PRIM2: variants seen among roughly 807,000 people sequenced by gnomAD.
The protein encoded by PRIM2 is DNA primase large subunit.
In PRIM2, 39 loss-of-function variants were observed where a neutral mutation model predicts 67.3. The ratio of observed to expected loss-of-function variants is 0.58; its 90% CI spans 0.45 to 0.76. The LOEUF is 0.76. PRIM2 is among the 30% of genes least tolerant of loss of function. PRIM2 has a pLI of 0.00. For missense variants in PRIM2, 398 were observed against 598.7 expected (o/e 0.66, Z 3.50); for synonymous variants, 143 against 198.7 (o/e 0.72, Z 2.36).
At chr6:57,276,780 T>G in the PRIM2 span, among the ~76,000 whole-genome samples, 1 of 151,814 alleles carries the variant, frequency 6.6e-6, no homozygotes, top group Non-Finnish European at 1.5e-5. Context: ...ATGCATGTAT[T>G]TGGGGGGCTC....
At chr6:57,362,783 G>A (rs1769243169) in intron 5 of PRIM2, among the ~76,000 whole-genome samples, 1 of 152,042 alleles carries the variant, frequency 6.6e-6, no homozygotes, top group Admixed American at 6.6e-5. Context: ...ATAACATAAA[G>A]GAGATGTCAT....
the PRIM2 span, among the ~76,000 whole-genome samples, chr6:57,256,686 C>G: frequency 6.8e-6 from 1 of 148,080 alleles, no homozygotes; most frequent in Non-Finnish European, 1.5e-5. Context: ...CACACACACA[C>G]AGTTTTTCCT....
intron 9 of PRIM2, among the ~76,000 whole-genome samples, chr6:57,533,606 C>G (rs1327796844): frequency 6.2e-4 from 94 of 152,324 alleles, no homozygotes; most frequent in African/African-American, 2.2e-3. Flanking sequence ...TTATCTCTAA[C>G]AGTCCACTTT....
At chr6:57,487,519 G>T (rs1156560981) in intron 7 of PRIM2, among the ~76,000 whole-genome samples, 11 of 152,206 alleles carry the variant, frequency 7.2e-5, no homozygotes, top group Admixed American at 7.2e-4. Context: ...ATGCGCCACT[G>T]CCCCTGGCCT....
chr6:57,541,205 G>A (rs1359524993), intron 10 of PRIM2, among the ~76,000 whole-genome samples: 1 of 152,112 alleles, frequency 6.6e-6, no homozygotes, highest in Non-Finnish European at 1.5e-5. Context: ...TTACGGTATC[G>A]ATCAATGTAG....
chr6:57,587,932 A>G (rs1228210452), intron 10 of PRIM2, among the ~76,000 whole-genome samples: 1 of 152,180 alleles, frequency 6.6e-6, no homozygotes, highest in Non-Finnish European at 1.5e-5. Context: ...AGCAATCGCT[A>G]GTCCTTGTGG....
chr6:57,350,855 A>G (rs943991776), intron 5 of PRIM2, among the ~76,000 whole-genome samples: 2 of 152,082 alleles, frequency 1.3e-5, no homozygotes, highest in African/African-American at 2.4e-5. Context: ...TAATGATACC[A>G]TCTCCTTTTT....
the PRIM2 span, among the ~76,000 whole-genome samples, chr6:57,280,447 AGACAAT>A: frequency 1.3e-5 from 2 of 152,166 alleles, no homozygotes; most frequent in Non-Finnish European, 2.9e-5. Flanking sequence ...AGAGTTAGAA[AGACAAT>A]GCAGACAGTT....
chr6:57,330,358 TTTGTTTTTGTTTTTTTG>T (rs1768012968), intron 5 of PRIM2, among the ~76,000 whole-genome samples: 1 of 121,830 alleles, frequency 8.2e-6, no homozygotes, highest in African/African-American at 3.5e-5. Context: ...GTTTTTTTTT[TTTGTTTTTGTTTTTTTG>T]TTTTTTTGTT....
chr6:57,458,789 C>CA (rs1424297669), intron 7 of PRIM2, among the ~76,000 whole-genome samples: 3 of 152,176 alleles, frequency 2.0e-5, no homozygotes, highest in Admixed American at 2.0e-4. Context: ...GCATTCACTT[C>CA]ATTTTTGTTT....
At chr6:57,624,903 T>C (rs1776921129) in intron 12 of PRIM2, among the ~76,000 whole-genome samples, 1 of 152,106 alleles carries the variant, frequency 6.6e-6, no homozygotes, top group Admixed American at 6.5e-5. Context: ...GGCCTCACAA[T>C]CATGGTGGAA....
intron 7 of PRIM2, among the ~76,000 whole-genome samples, chr6:57,416,070 G>A (rs76439859): frequency 6.6e-6 from 1 of 152,134 alleles, no homozygotes; most frequent in East Asian, 1.9e-4. Flanking sequence ...CGTTTCAGAA[G>A]GTTTTCCACT....
intron 7 of PRIM2, among the ~76,000 whole-genome samples, chr6:57,399,803 A>AT (rs1770644765): frequency 1.3e-5 from 2 of 151,958 alleles, no homozygotes; most frequent in South Asian, 4.2e-4. Flanking sequence ...GATGATGAGC[A>AT]TTTTTTCATG....
the PRIM2 span, among the ~76,000 whole-genome samples, chr6:57,307,303 G>A: frequency 6.6e-6 from 1 of 151,186 alleles, no homozygotes; most frequent in Non-Finnish European, 1.5e-5. Context: ...GCCCAGGCTG[G>A]AGTGCAGTGG....
intron 5 of PRIM2, among the ~76,000 whole-genome samples, chr6:57,340,394 G>A (rs1306533620): frequency 1.3e-5 from 2 of 152,096 alleles, no homozygotes; most frequent in African/African-American, 4.8e-5. Context: ...CTGCTATAAA[G>A]ACACATGCAC....
intron 10 of PRIM2, among the ~76,000 whole-genome samples, chr6:57,540,095 T>C (rs1175571090): frequency 6.6e-6 from 1 of 152,212 alleles, no homozygotes; most frequent in Admixed American, 6.5e-5. Flanking sequence ...CTTCAAGCGA[T>C]GTGAGAATTT....
chr6:57,644,868 G>A (rs1777308165), intron 13 of PRIM2, among the ~76,000 whole-genome samples: 1 of 152,100 alleles, frequency 6.6e-6, no homozygotes, highest in Non-Finnish European at 1.5e-5. Flanking sequence ...TTGAGACTGT[G>A]GAAAGTGAAA....
chr6:57,543,166 C>G (rs1201019793), intron 10 of PRIM2, among the ~76,000 whole-genome samples: 1 of 151,088 alleles, frequency 6.6e-6, no homozygotes, highest in Non-Finnish European at 1.5e-5. Flanking sequence ...GTCTCGATCT[C>G]CTGACCTCGT....
intron 4 of PRIM2, among the ~76,000 whole-genome samples, chr6:57,324,837 A>G (rs1031663259): frequency 6.6e-6 from 1 of 152,188 alleles, no homozygotes; most frequent in African/African-American, 2.4e-5. Context: ...TAAAATTAAT[A>G]AGCTTATCAA....
Sources: gnomAD v4.1 joint callset for allele counts (sites outside exome capture counted in the v4.1 genomes callset) on GRCh38, gnomAD v4.1.1 for gene constraint, MANE v1.5 for transcripts, NCBI Gene and HGNC (gene_info 2026-07-23, HGNC 2026-07-21) for gene names.